BTBD16: variants seen among roughly 807,000 people sequenced by gnomAD.
BTBD16 encodes the protein BTB/POZ domain-containing protein 16.
A neutral mutation model predicts 67.4 loss-of-function variants in BTBD16; 66 were observed. The observed-to-expected ratio is 0.98, with a 90% CI of 0.80 to 1.20. The LOEUF is 1.20. Among genes scored for constraint, BTBD16 ranks in the 50% most tolerant of loss-of-function variants. The probability of loss-of-function intolerance (pLI) is 0.00; values close to 1 mark genes in which losing one functional copy is unlikely to be tolerated. For synonymous variants in BTBD16, 242 were observed against 236.4 expected (o/e 1.02, Z -0.22); for missense variants, 634 against 616.0 (o/e 1.03, Z -0.31).
intron 9 of BTBD16, among the ~76,000 whole-genome samples, chr10:122,301,521 G>T (rs2096393980): frequency 6.6e-6 from 1 of 151,936 alleles, no homozygotes; most frequent in Non-Finnish European, 1.5e-5. Flanking sequence ...ATGTGCCCAC[G>T]CTGACCACTC....
In BTBD16 at chr10:122,289,919, T is replaced by G; in HGVS notation, c.396T>G (p.Pro132=). 1 of 1,613,544 alleles carries G rather than the reference T, an allele frequency of 6.2e-7. No homozygotes were observed. Among genetic ancestry groups the G allele is most frequent in the Non-Finnish European group, 8.5e-7 (1 of 1,179,712 alleles). Residue 132 remains proline, a synonymous_variant, in exon 6 of 16, where the codon CCT becomes CCG. Coordinates refer to ENST00000260723, the MANE Select transcript of BTBD16 (RefSeq NM_144587.5). ...ELEELLRAQS[P]KKTKEKSPAK... Reference sequence around the variant, plus strand: ...CATTTCCTTTACTAGCTCAATCACCTAAGAAGACCAAAGAAAAATCCCCTG... The same window carrying G: ...CATTTCCTTTACTAGCTCAATCACCGAAGAAGACCAAAGAAAAATCCCCTG...
intron 1 of BTBD16, among the ~76,000 whole-genome samples, chr10:122,272,331 C>CGTTT (rs2096330549): frequency 6.6e-6 from 1 of 152,048 alleles, no homozygotes; most frequent in South Asian, 2.1e-4. Context: ...TACCCAGACA[C>CGTTT]GTTTCTTTTT....
At chr10:122,301,847 G>A (rs1040464075) in intron 9 of BTBD16, among the ~76,000 whole-genome samples, 12 of 152,216 alleles carry the variant, frequency 7.9e-5, no homozygotes, top group African/African-American at 2.4e-4. Flanking sequence ...GAGGGCTAAC[G>A]ATGGGCAGGG....
chr10:122,315,485 C>T (rs1197005389), intron 10 of BTBD16, among the ~76,000 whole-genome samples: 1 of 152,114 alleles, frequency 6.6e-6, no homozygotes, highest in Admixed American at 6.5e-5. Context: ...TTTATCCTTA[C>T]CAGCTTTTAA....
intron 4 of BTBD16, 113 bp from the exon 5 acceptor site, chr10:122,285,992 G>T (rs2096362899): frequency 3.7e-6 from 4 of 1,073,430 alleles, no homozygotes; most frequent in Non-Finnish European, 5.5e-6. Context: ...CTGCTTGCCT[G>T]CTTCATGTGC....
At chr10:122,326,039 G>GA (rs11460797) in intron 10 of BTBD16, among the ~76,000 whole-genome samples, 10,828 of 142,916 alleles carry the variant, frequency 0.076, 876 homozygotes, top group African/African-American at 0.21. Flanking sequence ...TATATTTTGA[G>GA]AAAAAAAAAA....
chr10:122,284,046 T>A, intron 4 of BTBD16, 122 bp downstream of exon 4: 1 of 707,550 alleles, frequency 1.4e-6, no homozygotes, highest in East Asian at 2.6e-5. Context: ...GCAATTCTCA[T>A]CCACTTCCCA....
At chr10:122,331,150 A>C (rs767709158) in intron 11 of BTBD16, 26 bp from the exon 12 acceptor site, 1 of 1,603,532 alleles carries the variant, frequency 6.2e-7, no homozygotes, top group East Asian at 2.2e-5. Flanking sequence ...AAAACTAAAA[A>C]ACATTCTCTT....
At chr10:122,290,410 C>T (rs142592835) in intron 6 of BTBD16, among the ~76,000 whole-genome samples, 1 of 152,198 alleles carries the variant, frequency 6.6e-6, no homozygotes, top group Non-Finnish European at 1.5e-5. Flanking sequence ...CCTCCCCCAA[C>T]TTGGGCTCAC....
chr10:122,295,287 A>G (rs2096381116), intron 7 of BTBD16: 1 of 984,940 alleles, frequency 1.0e-6, no homozygotes, highest in East Asian at 1.1e-4. Flanking sequence ...CTGAGCCTGG[A>G]AGAATTACAG....
intron 9 of BTBD16, among the ~76,000 whole-genome samples, chr10:122,304,669 C>T (rs1221953192): frequency 6.6e-6 from 1 of 151,298 alleles, no homozygotes; most frequent in Non-Finnish European, 1.5e-5. Context: ...ATTCTCCTGC[C>T]TCAGCCTCCT....
chr10:122,277,726 GGGATGGTATTAATCTATTCAT>G (rs1413291475), intron 3 of BTBD16, among the ~76,000 whole-genome samples: 1 of 152,130 alleles, frequency 6.6e-6, no homozygotes, highest in Non-Finnish European at 1.5e-5. Flanking sequence ...CCACCCCTGA[GGGATGGTATTAATCTATTCAT>G]GAGGGATCTG....
At chr10:122,281,012 GC>G (rs946333765) in intron 3 of BTBD16, among the ~76,000 whole-genome samples, 1 of 151,988 alleles carries the variant, frequency 6.6e-6, no homozygotes, top group African/African-American at 2.4e-5. Context: ...TCTCTATGTT[GC>G]CCAGGCTGGT....
In BTBD16 at chr10:122,275,071, C is replaced by T. The variant is rs560605264; in HGVS notation, c.-11C>T. ...TGTCTTTTCTCTCCTGCGTAATTTC[C>T]ACTTTCATTCATGATAATGTCGAAC... On this transcript the variant is annotated 5_prime_UTR_variant, in exon 2 of 16. Transcript: ENST00000260723. 117 of 1,613,594 alleles carry T rather than the reference C, an allele frequency of 7.3e-5. No individual in the cohort carries two copies. Among genetic ancestry groups the T allele is most frequent in the Non-Finnish European group, 9.7e-5 (114 of 1,179,832 alleles).
chr10:122,334,025 G>A lies in BTBD16; in HGVS notation c.1165-856G>A, dbSNP rs80345398. The stretch of plus-strand genomic sequence containing the variant: ...GGTTGATATTGCCATCCAATTTGGA[G>A]TGAATTCATTCAAATTGTTACTAGT... On this transcript the variant is annotated intron_variant, in intron 13 of 15. Transcript: ENST00000260723. 9.0e-4 allele frequency among the ~76,000 whole-genome samples: 137 copies of A among 152,214 alleles called. 3 individuals are homozygous for A. In the East Asian group the frequency reaches 0.022, roughly 24 times the overall value.
intron 9 of BTBD16, among the ~76,000 whole-genome samples, chr10:122,302,629 G>A (rs901747329): frequency 6.6e-6 from 1 of 152,206 alleles, no homozygotes; most frequent in African/African-American, 2.4e-5. Flanking sequence ...ATGGGACAAG[G>A]TTCCTATGGG....
intron 14 of BTBD16, among the ~76,000 whole-genome samples, chr10:122,335,819 A>G (rs944680298): frequency 3.9e-5 from 6 of 152,136 alleles, no homozygotes; most frequent in Admixed American, 1.3e-4. Flanking sequence ...TAATCTTTTT[A>G]TTACTACTGC....
chr10:122,325,124 A>G (rs976643516), intron 10 of BTBD16, among the ~76,000 whole-genome samples: 1 of 152,242 alleles, frequency 6.6e-6, no homozygotes, highest in African/African-American at 2.4e-5. Flanking sequence ...GTGTGTGAGC[A>G]TGTGCACCAG....
chr10:122,306,498 A>G (rs542019647), intron 9 of BTBD16, among the ~76,000 whole-genome samples: 1 of 152,198 alleles, frequency 6.6e-6, no homozygotes, highest in Non-Finnish European at 1.5e-5. Context: ...GGGGCAGTTA[A>G]GCAACTCACA....
Sources: gnomAD v4.1 joint callset for allele counts (sites outside exome capture counted in the v4.1 genomes callset) on GRCh38, gnomAD v4.1.1 for gene constraint, MANE v1.5 for transcripts, NCBI Gene and HGNC (gene_info 2026-07-23, HGNC 2026-07-21) for gene names.